IQGAP1: variants seen among roughly 807,000 people sequenced by gnomAD.
IQGAP1 encodes the protein ras GTPase-activating-like protein IQGAP1.
In IQGAP1, 66 loss-of-function variants were observed where a neutral mutation model predicts 215.6. The ratio of observed to expected loss-of-function variants is 0.31; its 90% CI spans 0.25 to 0.38. The LOEUF is 0.38. IQGAP1 is among the 10% of genes least tolerant of loss of function. The pLI, the probability that IQGAP1 is intolerant of heterozygous loss-of-function variation, is 1.00. For synonymous variants in IQGAP1, 772 were observed against 728.7 expected, an observed-to-expected ratio of 1.06 and a Z score of -0.96; for missense variants, 1,712 against 1,997.1, an observed-to-expected ratio of 0.86 and a Z score of 2.72.
chr15:90,474,614 C>T lies in IQGAP1; in HGVS notation c.2705C>T (p.Ser902Phe). The T allele has an allele frequency of 6.2e-7, 1 of 1,613,854 alleles. No individual in the cohort carries two copies. The highest frequency in any genetic ancestry group is 8.5e-7 in the Non-Finnish European group (1 of 1,179,726). ...MREEVITLIR[S>F]NQQLENDLNL... The stretch of plus-strand genomic sequence containing the variant: ...GAAGAGGTTATCACCCTCATTCGTT[C>T]TAACCAGCAGCTGGAGAATGACCTC... The change falls in exon 23 of 38, where the codon TCT (serine) becomes TTT (phenylalanine). Residue 902 changes from serine to phenylalanine, a missense_variant. Ser to Phe is a radical substitution (Grantham distance 155). Around this residue, in one of 2 missense-constraint regions of IQGAP1, gnomAD observed 691 missense variants for 923.0 expected, o/e 0.75. Coordinates refer to ENST00000268182, the MANE Select transcript of IQGAP1 (RefSeq NM_003870.4).
At chr15:90,407,402 T>TA (rs3215151) in intron 2 of IQGAP1, among the ~76,000 whole-genome samples, 23,401 of 152,214 alleles carry the variant, frequency 0.15, 2,047 homozygotes, top group South Asian at 0.23. Context: ...CCTACTTTAC[T>TA]AAAAAATTCC....
intron 15 of IQGAP1, among the ~76,000 whole-genome samples, chr15:90,464,964 T>G (rs919674204): frequency 6.6e-6 from 1 of 152,118 alleles, no homozygotes; most frequent in African/African-American, 2.4e-5. Context: ...AAAAAGAAAC[T>G]TGTCTTAACG....
intron 2 of IQGAP1, among the ~76,000 whole-genome samples, chr15:90,419,198 G>A (rs1409887863): frequency 1.3e-5 from 2 of 150,990 alleles, no homozygotes; most frequent in Non-Finnish European, 1.5e-5. Context: ...TTGGGTTCAA[G>A]TGAGAGTTTA....
intron 3 of IQGAP1, 136 bp downstream of exon 3, chr15:90,426,402 G>T: frequency 1.1e-6 from 1 of 877,610 alleles, no homozygotes; most frequent in Non-Finnish European, 1.7e-6. Flanking sequence ...AAAATGCCTG[G>T]CAGAATGGAG....
chr15:90,496,306 C>CT (rs552222380), intron 36 of IQGAP1, among the ~76,000 whole-genome samples: 2,638 of 105,888 alleles, frequency 0.025, 242 homozygotes, highest in Non-Finnish European at 0.032. Context: ...AGCATAATCC[C>CT]TTTTTTTTTT....
intron 30 of IQGAP1, among the ~76,000 whole-genome samples, chr15:90,484,842 A>G (rs1043506954): frequency 6.6e-6 from 1 of 152,070 alleles, no homozygotes; most frequent in Non-Finnish European, 1.5e-5. Context: ...ATCTACTGCT[A>G]AGTTTCTAAA....
At chr15:90,438,794 G>A (rs1567126340) in intron 5 of IQGAP1, among the ~76,000 whole-genome samples, 1 of 150,300 alleles carries the variant, frequency 6.7e-6, no homozygotes, top group African/African-American at 2.5e-5. Context: ...GTGTGATCTC[G>A]GCTCACTGCA....
chr15:90,442,632 T>G (rs1965467699), intron 8 of IQGAP1, among the ~76,000 whole-genome samples: 1 of 152,114 alleles, frequency 6.6e-6, no homozygotes, highest in African/African-American at 2.4e-5. Flanking sequence ...TGCCTCTGCC[T>G]ATGTCACCAG....
chr15:90,477,641 A>T, intron 25 of IQGAP1, 24 bp from the exon 26 acceptor site: 2 of 1,537,504 alleles, frequency 1.3e-6, no homozygotes, highest in Non-Finnish European at 1.8e-6. Flanking sequence ...TGACAAGTTT[A>T]AATTTTTATC....
intron 11 of IQGAP1, among the ~76,000 whole-genome samples, chr15:90,450,071 A>G (rs959723359): frequency 3.3e-5 from 5 of 152,136 alleles, no homozygotes; most frequent in Admixed American, 6.5e-5. Context: ...CTACTGTGCT[A>G]TCTAACACTA....
intron 30 of IQGAP1, among the ~76,000 whole-genome samples, chr15:90,485,615 T>C (rs1338344111): frequency 2.6e-5 from 4 of 152,132 alleles, no homozygotes; most frequent in Non-Finnish European, 4.4e-5. Flanking sequence ...AATTTTTGTA[T>C]TTTTAGTAGA....
intron 18 of IQGAP1, 123 bp from the exon 19 acceptor site, chr15:90,472,717 A>C: frequency 1.2e-6 from 1 of 839,266 alleles, no homozygotes; most frequent in Non-Finnish European, 1.8e-6. Flanking sequence ...TTATGTAGCT[A>C]ATGATCTAGT....
intron 37 of IQGAP1, among the ~76,000 whole-genome samples, chr15:90,498,294 A>ATG (rs1718307366): frequency 6.6e-6 from 1 of 152,082 alleles, no homozygotes; most frequent in African/African-American, 2.4e-5. Context: ...CCATTAAAAC[A>ATG]TGTTAGCTAA....
In IQGAP1 at chr15:90,440,560, C is replaced by T. The variant is rs1005209127; in HGVS notation, c.594C>T (p.Ala198=). Reference sequence around the variant, plus strand: ...AGAAGTATGGCATCCAGATGCCTGCCTTTAGCAAGATTGGGGGCATCTTGG... The same window carrying T: ...AGAAGTATGGCATCCAGATGCCTGCTTTTAGCAAGATTGGGGGCATCTTGG... ...ELEKYGIQMP[A]FSKIGGILAN... The change falls in exon 7 of 38, where the codon GCC becomes GCT. Residue 198 remains alanine (A), a synonymous_variant. Transcript: ENST00000268182. 4.2e-5 allele frequency: 66 copies of T among 1,571,770 alleles called. No homozygotes were observed. Among genetic ancestry groups the T allele is most frequent in the Non-Finnish European group, 5.4e-5 (62 of 1,156,946 alleles).
At chr15:90,454,090 AC>A (rs1440986285) in intron 13 of IQGAP1, among the ~76,000 whole-genome samples, 1 of 152,212 alleles carries the variant, frequency 6.6e-6, no homozygotes, top group East Asian at 1.9e-4. Context: ...CTAAATCAGT[AC>A]CTTCAGTAAA....
chr15:90,476,887 A>G lies in IQGAP1; in HGVS notation c.2940+69A>G, dbSNP rs576606512. The G allele has an allele frequency of 1.6e-5, 24 of 1,520,612 alleles. No homozygotes were observed. In the East Asian group the frequency reaches 4.5e-4, roughly 29 times the overall value. 94.2% of individuals were successfully genotyped at this position (1,520,612 alleles called of 1,614,324 possible). On this transcript the variant is annotated intron_variant, in intron 24 of 37. Coordinates refer to ENST00000268182, the MANE Select transcript of IQGAP1 (RefSeq NM_003870.4). ...TATTTTTCCACAAGAAAGCCTTACC[A>G]TCGATCTCTCTGGAAGTATTTTTGA...
At chr15:90,472,723 C>G in intron 18 of IQGAP1, 117 bp from the exon 19 acceptor site, 1 of 901,388 alleles carries the variant, frequency 1.1e-6, no homozygotes, top group Non-Finnish European at 1.7e-6. Context: ...AGCTAATGAT[C>G]TAGTATAGAC....
chr15:90,466,563 A>G, intron 17 of IQGAP1, 127 bp downstream of exon 17: 1 of 861,212 alleles, frequency 1.2e-6, no homozygotes, highest in Admixed American at 2.8e-5. Flanking sequence ...ACTTAGGCTC[A>G]TTTTAAAGGA....
chr15:90,439,947 A>G (rs193238154), intron 6 of IQGAP1, among the ~76,000 whole-genome samples: 11 of 152,368 alleles, frequency 7.2e-5, no homozygotes, highest in Non-Finnish European at 1.0e-4. Context: ...GATAGATTCA[A>G]GTCTTTCAAA....
Sources: gnomAD v4.1 joint callset for allele counts (sites outside exome capture counted in the v4.1 genomes callset) on GRCh38, gnomAD v4.1.1 for gene constraint, gnomAD v4.1.1 regional missense constraint, MANE v1.5 for transcripts, NCBI Gene and HGNC (gene_info 2026-07-23, HGNC 2026-07-21) for gene names.